KCNA6: variants seen among roughly 807,000 people sequenced by gnomAD.
KCNA6 encodes human brain potassium channel-2.
A neutral mutation model predicts 29.5 loss-of-function variants in KCNA6; 17 were observed. The observed-to-expected ratio is 0.58, with a 90% confidence interval of 0.39 to 0.86. The LOEUF (loss-of-function observed/expected upper bound fraction) is 0.86, where lower values mean the gene tolerates loss of function less well. Ranked by LOEUF, KCNA6 falls within the 40% of genes least tolerant of loss-of-function variation. KCNA6 has a pLI of 0.00. For synonymous variants in KCNA6, 296 were observed against 304.7 expected (o/e 0.97, Z 0.30); for missense variants, 450 against 703.4 (o/e 0.64, Z 4.07).
chr12:4,809,907 T>G, exon 1 of KCNA6: 1 of 1,075,918 alleles, frequency 9.3e-7, no homozygotes, highest in Non-Finnish European at 1.3e-6. Context: ...AACGGCCAGG[T>G]CAGACCGCGA....
the KCNA6 span, among the ~76,000 whole-genome samples, chr12:4,819,641 G>C: frequency 6.6e-6 from 1 of 152,152 alleles, no homozygotes; most frequent in Admixed American, 6.5e-5. Flanking sequence ...CTTGGCACGG[G>C]CCAGATTGCT....
the KCNA6 span, among the ~76,000 whole-genome samples, chr12:4,848,526 A>AC: frequency 1.3e-5 from 2 of 151,244 alleles, no homozygotes; most frequent in African/African-American, 4.9e-5. Flanking sequence ...AAAAAAAAAA[A>AC]ATCCAACTTT....
At chr12:4,828,720 T>TCACACACA in the KCNA6 span, among the ~76,000 whole-genome samples, 1 of 152,072 alleles carries the variant, frequency 6.6e-6, no homozygotes, top group Non-Finnish European at 1.5e-5. Context: ...TTGCCCAGAG[T>TCACACACA]CACACACAGC....
chr12:4,850,643 C>T, the KCNA6 span: 1 of 343,202 alleles, frequency 2.9e-6, no homozygotes, highest in African/African-American at 2.1e-5. This position sits in a 1 kb window ranked among gnomAD's most constrained non-coding sequence, Gnocchi z 5.4. Flanking sequence ...TGAGGAAGGA[C>T]ACTGGTGTGT....
At chr12:4,849,581 T>C in the KCNA6 span, among the ~76,000 whole-genome samples, 21 of 150,614 alleles carry the variant, frequency 1.4e-4, no homozygotes, top group Admixed American at 1.3e-3. Context: ...AATGTCCTTG[T>C]GAGTCTGACG....
the KCNA6 span, among the ~76,000 whole-genome samples, chr12:4,833,908 C>T: frequency 6.7e-6 from 1 of 148,800 alleles, no homozygotes; most frequent in Non-Finnish European, 1.5e-5. Context: ...TCTCCTTCTT[C>T]GTCTCCTTCT....
chr12:4,827,214 T>TTCCTTCC, the KCNA6 span, among the ~76,000 whole-genome samples: 7 of 99,430 alleles, frequency 7.0e-5, no homozygotes, highest in East Asian at 1.1e-3. Flanking sequence ...CCCTCCTTCC[T>TTCCTTCC]TCCTTCCTTC....
the KCNA6 span, among the ~76,000 whole-genome samples, chr12:4,845,486 G>A: frequency 6.6e-6 from 1 of 152,152 alleles, no homozygotes; most frequent in Non-Finnish European, 1.5e-5. Context: ...CCGCAGTCAC[G>A]TTACGTGCAT....
the KCNA6 span, among the ~76,000 whole-genome samples, chr12:4,818,739 C>G: frequency 6.6e-6 from 1 of 151,996 alleles, no homozygotes; most frequent in Non-Finnish European, 1.5e-5. Flanking sequence ...AGCCATAGCT[C>G]CTAAATGTGT....
chr12:4,836,215 C>T, the KCNA6 span, among the ~76,000 whole-genome samples: 63 of 151,988 alleles, frequency 4.1e-4, no homozygotes, highest in East Asian at 0.011. Context: ...TCCCAAAGTG[C>T]TAGGATTGCA....
At chr12:4,840,681 G>A in the KCNA6 span, among the ~76,000 whole-genome samples, 2 of 152,252 alleles carry the variant, frequency 1.3e-5, no homozygotes, top group Non-Finnish European at 2.9e-5. Context: ...GAGATGGTCA[G>A]TGGTACACAC....
chr12:4,844,156 A>G, the KCNA6 span, among the ~76,000 whole-genome samples: 2 of 152,132 alleles, frequency 1.3e-5, no homozygotes, highest in African/African-American at 4.8e-5. This position sits in a 1 kb window ranked among gnomAD's most constrained non-coding sequence, Gnocchi z 4.0. Flanking sequence ...TGTGCCAGTC[A>G]CTCTGTTCTA....
At chr12:4,836,396 T>C in the KCNA6 span, among the ~76,000 whole-genome samples, 12 of 152,282 alleles carry the variant, frequency 7.9e-5, no homozygotes, top group Non-Finnish European at 1.6e-4. Context: ...AAATTCTTCT[T>C]TGGCACTGGA....
chr12:4,811,592 TCGGG>T lies in KCNA6; in HGVS notation c.1553_1556del (p.Arg518ProfsTer29). 1.9e-6 allele frequency: 3 copies of T among 1,614,104 alleles called. No individual in the cohort carries two copies. Among genetic ancestry groups the T allele is most frequent in the Non-Finnish European group, 2.5e-6 (3 of 1,180,008 alleles). On this transcript the variant is annotated frameshift_variant, in exon 1 of 1. Transcript: ENST00000280684. LOFTEE classifies it high-confidence loss of function. The surrounding 1 kb of genome is among the most constrained non-coding windows in gnomAD (Gnocchi z 7.1). The stretch of plus-strand genomic sequence containing the variant: ...GACCCAGCTACCTTCCTACACCACA[TCGGG>T]CCTATGCAGAGAAAAGAATGCTCAC...
At chr12:4,830,229 G>A in the KCNA6 span, among the ~76,000 whole-genome samples, 4 of 152,192 alleles carry the variant, frequency 2.6e-5, no homozygotes, top group African/African-American at 9.7e-5. Flanking sequence ...AGCCTGGACA[G>A]TCCACATCCT....
At chr12:4,823,542 G>A in the KCNA6 span, among the ~76,000 whole-genome samples, 1 of 152,050 alleles carries the variant, frequency 6.6e-6, no homozygotes, top group South Asian at 2.1e-4. Flanking sequence ...CGAGGCGGGC[G>A]AATCACTTGA....
chr12:4,827,062 A>G, the KCNA6 span, among the ~76,000 whole-genome samples: 1 of 121,006 alleles, frequency 8.3e-6, no homozygotes, highest in African/African-American at 3.3e-5. Flanking sequence ...TTCCTTCCCT[A>G]CGTCTTTTCC....
the KCNA6 span, among the ~76,000 whole-genome samples, chr12:4,845,315 A>C: frequency 4.6e-5 from 7 of 152,218 alleles, no homozygotes; most frequent in African/African-American, 1.7e-4. Flanking sequence ...ATGGATGTTA[A>C]ATTCCAGAAT....
Position 4,810,991 on chromosome 12 carries a change from A to G in KCNA6, c.950A>G (p.Gln317Arg), listed in dbSNP as rs776412473. Residue 317 changes from glutamine (Q) to arginine (R), a missense_variant, in exon 1 of 1, where the codon CAG becomes CGG. By Grantham distance (43) the Gln-to-Arg change is conservative. Around this residue, in one of 7 missense-constraint regions of KCNA6, gnomAD observed 46 missense variants for 80.2 expected, o/e 0.57. Transcript: ENST00000280684. This position sits in a 1 kb window ranked among gnomAD's most constrained non-coding sequence, Gnocchi z 7.5. ...ATCACCCTGGGCACTGAGCTGGTGC[A>G]GCAGCAGGAGCAGCAACCAGCCAGT... 1.2e-6 allele frequency: 2 copies of G among 1,614,252 alleles called. No individual in the cohort carries two copies. The highest frequency in any genetic ancestry group is 1.7e-6 in the Non-Finnish European group (2 of 1,180,042).
Sources: allele counts gnomAD v4.1 joint callset (sites outside exome capture counted in the v4.1 genomes callset), GRCh38; gene constraint gnomAD v4.1.1; regional missense constraint gnomAD v4.1.1; non-coding constraint Gnocchi (gnomAD v3.1); transcripts MANE v1.5; gene names NCBI Gene and HGNC (gene_info 2026-07-23, HGNC 2026-07-21).